Variants in GLCCI1 observed in about 807,000 individuals in gnomAD.
GLCCI1 encodes the protein glucocorticoid induced 1, also known as glucocorticoid-induced transcript 1 protein.
In GLCCI1, 24 loss-of-function variants were observed where a neutral mutation model predicts 52.2. The ratio of observed to expected loss-of-function variants is 0.46; its 90% CI spans 0.33 to 0.65. The LOEUF is 0.65. GLCCI1 is among the 30% of genes least tolerant of loss of function. The pLI, the probability that GLCCI1 is intolerant of heterozygous loss-of-function variation, is 0.02. For missense variants in GLCCI1, 704 were observed against 701.5 expected, an observed-to-expected ratio of 1.00 and a Z score of -0.04; for synonymous variants, 310 against 276.5, an observed-to-expected ratio of 1.12 and a Z score of -1.20.
chr7:8,057,465 G>A (rs1782423804), intron 4 of GLCCI1, among the ~76,000 whole-genome samples: 1 of 152,086 alleles, frequency 6.6e-6, no homozygotes, highest in Non-Finnish European at 1.5e-5. Context: ...GCTACATACT[G>A]TATGATTTGT....
intron 2 of GLCCI1, among the ~76,000 whole-genome samples, chr7:8,009,941 T>A (rs1781231366): frequency 6.6e-6 from 1 of 151,926 alleles, no homozygotes; most frequent in South Asian, 2.1e-4. Flanking sequence ...AGTGGTTTTT[T>A]TTTTTCTTAG....
intron 2 of GLCCI1, among the ~76,000 whole-genome samples, chr7:8,010,002 T>C (rs1407069587): frequency 6.6e-6 from 1 of 152,094 alleles, no homozygotes; most frequent in African/African-American, 2.4e-5. Flanking sequence ...ATTTAAACAT[T>C]TAAAAATTGT....
chr7:8,061,170 G>T (rs1782506304), intron 5 of GLCCI1, among the ~76,000 whole-genome samples: 1 of 151,336 alleles, frequency 6.6e-6, no homozygotes. Flanking sequence ...CGTGATCTCG[G>T]CTCACTGCAA....
At chr7:8,060,310 T>C (rs1782485132) in intron 5 of GLCCI1, 62 bp downstream of exon 5, 26 of 1,321,740 alleles carry the variant, frequency 2.0e-5, no homozygotes, top group Non-Finnish European at 2.8e-5. Flanking sequence ...GTCTGAAAAG[T>C]ACTTTCTTGG....
rs1477878966 is a variant in GLCCI1 at position 8,072,887 on chromosome 7, G to A, written c.1177+1756G>A. Among the ~76,000 whole-genome samples the A allele has an allele frequency of 2.6e-5, 4 of 152,114 alleles. 1 individual carries two copies. The East Asian group carries it at 7.7e-4, about 29-fold the overall frequency. ...AACCAAAAAGAAAATGTATTGAGAG[G>A]ATGGTAAATGAGTTCCATTTTGGTT... On this transcript the variant is annotated intron_variant, in intron 6 of 7. Coordinates refer to ENST00000223145, the MANE Select transcript of GLCCI1 (RefSeq NM_138426.4).
At chr7:8,021,408 G>A (rs951510864) in intron 2 of GLCCI1, among the ~76,000 whole-genome samples, 15 of 152,100 alleles carry the variant, frequency 9.9e-5, no homozygotes, top group Middle Eastern at 3.4e-3. Context: ...TTTTAATATT[G>A]TTTAATTATT....
At chr7:7,985,934 G>A (rs1028303628) in intron 1 of GLCCI1, among the ~76,000 whole-genome samples, 2 of 152,160 alleles carry the variant, frequency 1.3e-5, no homozygotes, top group Non-Finnish European at 2.9e-5. Flanking sequence ...TATAATTACT[G>A]CATTTCTATT....
chr7:8,044,557 G>A (rs1345083630), intron 3 of GLCCI1, among the ~76,000 whole-genome samples: 2 of 151,964 alleles, frequency 1.3e-5, no homozygotes, highest in Non-Finnish European at 2.9e-5. Flanking sequence ...TTTTTGTAGA[G>A]ACAATTTTTC....
At chr7:8,053,323 T>TTTGTTTG (rs1554262342) in intron 3 of GLCCI1, among the ~76,000 whole-genome samples, 5 of 136,146 alleles carry the variant, frequency 3.7e-5, no homozygotes, top group African/African-American at 1.2e-4. Context: ...TCGTTTTTTT[T>TTTGTTTG]TTTGTTTGTT....
intron 5 of GLCCI1, among the ~76,000 whole-genome samples, chr7:8,062,109 C>G (rs1337284188): frequency 1.3e-5 from 2 of 152,132 alleles, no homozygotes; most frequent in Non-Finnish European, 2.9e-5. Context: ...CAAAACTATA[C>G]TAAAATAAAA....
At chr7:8,073,295 A>G (rs912054721) in intron 6 of GLCCI1, among the ~76,000 whole-genome samples, 4 of 152,146 alleles carry the variant, frequency 2.6e-5, no homozygotes, top group Non-Finnish European at 1.5e-5. Context: ...CAGGAAAAAA[A>G]TATCAATTAT....
chr7:8,061,823 T>A (rs901062663), intron 5 of GLCCI1, among the ~76,000 whole-genome samples: 1 of 151,836 alleles, frequency 6.6e-6, no homozygotes, highest in African/African-American at 2.4e-5. Flanking sequence ...CACACCACCA[T>A]GCCCAGCTAA....
chr7:8,039,193 T>G (rs1781941748), intron 3 of GLCCI1, among the ~76,000 whole-genome samples: 1 of 152,048 alleles, frequency 6.6e-6, no homozygotes, highest in African/African-American at 2.4e-5. Context: ...AATATGGAGA[T>G]TTCTCACAGA....
At chr7:8,012,067 G>A (rs1583970750) in intron 2 of GLCCI1, among the ~76,000 whole-genome samples, 1 of 151,528 alleles carries the variant, frequency 6.6e-6, no homozygotes, top group South Asian at 2.1e-4. Flanking sequence ...CGCTTGCCTC[G>A]GCCTTCCAAA....
chr7:7,971,688 G>C (rs1780356794), intron 1 of GLCCI1, among the ~76,000 whole-genome samples: 1 of 152,180 alleles, frequency 6.6e-6, no homozygotes, highest in Admixed American at 6.5e-5. Flanking sequence ...AATGGCCTAG[G>C]AATTACATGC....
chr7:8,014,111 T>G (rs1781328874), intron 2 of GLCCI1, among the ~76,000 whole-genome samples: 1 of 151,792 alleles, frequency 6.6e-6, no homozygotes, highest in African/African-American at 2.4e-5. Context: ...TGCCTTAGCC[T>G]CCCGAGTAGC....
chr7:7,992,125 C>CA (rs1241146007), intron 1 of GLCCI1, among the ~76,000 whole-genome samples: 86 of 149,742 alleles, frequency 5.7e-4, no homozygotes, highest in African/African-American at 1.7e-3. Context: ...CTCTCTCTCT[C>CA]TCTCATATAT....
At chr7:8,075,300 A>T (rs1157779001) in intron 6 of GLCCI1, among the ~76,000 whole-genome samples, 1 of 152,088 alleles carries the variant, frequency 6.6e-6, no homozygotes, top group Non-Finnish European at 1.5e-5. Flanking sequence ...TTTTCCAGTG[A>T]CCTAAAGACT....
chr7:8,088,791 G>C lies in GLCCI1; in HGVS notation c.*2253G>C, dbSNP rs1324717345. 1.3e-5 allele frequency: 2 copies of C among 152,566 alleles called. No homozygotes were observed. Among genetic ancestry groups the C allele is most frequent in the African/African-American group, 4.8e-5 (2 of 41,440 alleles). 9.5% of individuals were successfully genotyped at this position (152,566 alleles called of 1,614,324 possible). ...TAATTGTGTTGTACATTTGTTCTTAGCATATATTAAAGTTTTGAACCAAAT... is the reference window on the plus strand; with the variant it reads ...TAATTGTGTTGTACATTTGTTCTTACCATATATTAAAGTTTTGAACCAAAT... On this transcript the variant is annotated 3_prime_UTR_variant, in exon 8 of 8. Coordinates refer to ENST00000223145, the MANE Select transcript of GLCCI1 (RefSeq NM_138426.4).
Sources: gnomAD v4.1 joint callset for allele counts (sites outside exome capture counted in the v4.1 genomes callset) on GRCh38, gnomAD v4.1.1 for gene constraint, MANE v1.5 for transcripts, NCBI Gene and HGNC (gene_info 2026-07-23, HGNC 2026-07-21) for gene names.